The following PDE12 variants were observed in gnomAD, a reference collection of about 807,000 sequenced individuals.
PDE12 encodes the protein phosphodiesterase 12.
Under a neutral mutation model 45.4 loss-of-function variants are expected in PDE12, and 26 were observed. The ratio of observed to expected loss-of-function variants is 0.57; its 90% confidence interval spans 0.42 to 0.79. The LOEUF (loss-of-function observed/expected upper bound fraction) is 0.79. PDE12 is among the 30% of genes least tolerant of loss of function. PDE12 has a pLI of 0.00. For synonymous variants in PDE12, 283 were observed against 323.9 expected, an observed-to-expected ratio of 0.87 and a Z score of 1.36; for missense variants, 668 against 790.0, an observed-to-expected ratio of 0.85 and a Z score of 1.85.
chr3:57,597,978 C>T, the PDE12 span: 3 of 152,296 alleles, frequency 2.0e-5, no homozygotes, highest in South Asian at 6.2e-4. Flanking sequence ...CCAAGTGATT[C>T]TGAAGATCTC....
chr3:57,614,992 CAA>C, the PDE12 span, among the ~76,000 whole-genome samples: 6 of 131,430 alleles, frequency 4.6e-5, no homozygotes, highest in East Asian at 4.4e-4. Flanking sequence ...GACTGTGTCT[CAA>C]AAAAAAAAAA....
the PDE12 span, among the ~76,000 whole-genome samples, chr3:57,646,076 G>A: frequency 2.0e-5 from 3 of 152,166 alleles, no homozygotes; most frequent in African/African-American, 4.8e-5. Context: ...ATGAATCAAT[G>A]TGCCTGCCAC....
chr3:57,640,672 T>C, the PDE12 span, among the ~76,000 whole-genome samples: 1 of 152,224 alleles, frequency 6.6e-6, no homozygotes. Flanking sequence ...TCCATTGTCA[T>C]GTCGGAGAGA....
chr3:57,651,725 C>G, the PDE12 span, among the ~76,000 whole-genome samples: 1 of 151,370 alleles, frequency 6.6e-6, no homozygotes, highest in African/African-American at 2.4e-5. Flanking sequence ...TATCTCACAC[C>G]AGAAAGCAAG....
chr3:57,604,207 C>T, the PDE12 span, among the ~76,000 whole-genome samples: 1 of 152,120 alleles, frequency 6.6e-6, no homozygotes, highest in African/African-American at 2.4e-5. Context: ...AGGCATGAGC[C>T]ACCACACCCA....
chr3:57,572,802 A>C, the PDE12 span, among the ~76,000 whole-genome samples: 3 of 152,188 alleles, frequency 2.0e-5, no homozygotes, highest in East Asian at 5.8e-4. Context: ...ATCTGAAAAA[A>C]GAAATCATGG....
At chr3:57,592,656 T>C in the PDE12 span, among the ~76,000 whole-genome samples, 4 of 152,156 alleles carry the variant, frequency 2.6e-5, no homozygotes, top group Admixed American at 2.6e-4. Context: ...CGACAGCCTA[T>C]TGCACTACTA....
rs186058083 is a variant in PDE12 at position 57,557,219 on chromosome 3, C to T, written c.840C>T (p.Asp280=). The change falls in exon 1 of 3, where the codon GAC becomes GAT. Residue 280 remains aspartate, a synonymous_variant. Coordinates refer to ENST00000311180, the MANE Select transcript of PDE12 (RefSeq NM_177966.7). ...VEAGPGTCTF[D]HRHLYTKKVT... ...CTGGGCCTGGCACCTGCACTTTTGA[C>T]CACCGGCATCTCTACACGAAGAAGG... 1.7e-5 allele frequency: 27 copies of T among 1,610,028 alleles called. No homozygotes were observed. Among genetic ancestry groups the T allele is most frequent in the African/African-American group, 1.1e-4 (8 of 73,604 alleles).
the PDE12 span, chr3:57,645,682 T>C: frequency 6.2e-7 from 1 of 1,612,892 alleles, no homozygotes; most frequent in Non-Finnish European, 8.5e-7. Flanking sequence ...ACGGGTAGTA[T>C]ATTCTTTGAA....
At chr3:57,614,909 C>T in the PDE12 span, among the ~76,000 whole-genome samples, 18 of 151,358 alleles carry the variant, frequency 1.2e-4, no homozygotes, top group South Asian at 2.1e-3. Flanking sequence ...AGGAGAATCG[C>T]TTGAATCCGG....
At chr3:57,575,558 C>T in the PDE12 span, 9 of 1,612,332 alleles carry the variant, frequency 5.6e-6, no homozygotes, top group Admixed American at 5.0e-5. Flanking sequence ...TGTTCTGTTA[C>T]GAAGAGACTG....
At chr3:57,596,838 C>T in the PDE12 span, 3 of 520,300 alleles carry the variant, frequency 5.8e-6, no homozygotes, top group Non-Finnish European at 1.0e-5. Flanking sequence ...AAAGCCGAGT[C>T]CAGAAAGAAA....
At chr3:57,586,203 G>C in the PDE12 span, among the ~76,000 whole-genome samples, 1 of 152,092 alleles carries the variant, frequency 6.6e-6, no homozygotes, top group Non-Finnish European at 1.5e-5. Context: ...ATTGTTCTTA[G>C]GATATCATAT....
the PDE12 span, among the ~76,000 whole-genome samples, chr3:57,573,582 T>C: frequency 2.6e-5 from 4 of 152,194 alleles, no homozygotes; most frequent in African/African-American, 2.4e-5. Flanking sequence ...ATTTATTGAT[T>C]GATCGACTGA....
At chr3:57,613,545 G>C in the PDE12 span, among the ~76,000 whole-genome samples, 8 of 151,470 alleles carry the variant, frequency 5.3e-5, no homozygotes, top group African/African-American at 1.9e-4. Flanking sequence ...GTCCACCTCA[G>C]CCTCCCAAAG....
At chr3:57,654,726 T>C in the PDE12 span, 5 of 985,040 alleles carry the variant, frequency 5.1e-6, no homozygotes, top group Non-Finnish European at 6.0e-6. Flanking sequence ...GGAATAGACC[T>C]TGACCTAGTG....
At chr3:57,607,060 C>A in the PDE12 span, among the ~76,000 whole-genome samples, 30 of 152,180 alleles carry the variant, frequency 2.0e-4, no homozygotes, top group African/African-American at 7.0e-4. Flanking sequence ...TCCAGAGGAA[C>A]AATCAGGCAG....
In PDE12 at chr3:57,561,519, G is replaced by A; in HGVS notation, c.*1515G>A. 1 of 984,750 alleles carries A rather than the reference G, an allele frequency of 1.0e-6. No individual in the cohort carries two copies. Among genetic ancestry groups the A allele is most frequent in the Non-Finnish European group, 1.2e-6 (1 of 829,326 alleles). The allele number at this position is 984,750 out of a possible 1,614,324, so 61.0% of individuals were successfully genotyped here. On this transcript the variant is annotated 3_prime_UTR_variant, in exon 3 of 3. Transcript: ENST00000311180. ...TATACTGATTAGTGTCTAGCCTAGAGTGGTAACCATGCTTTACTAATTCAG... is the reference window on the plus strand; with the variant it reads ...TATACTGATTAGTGTCTAGCCTAGAATGGTAACCATGCTTTACTAATTCAG...
At chr3:57,652,284 G>A in the PDE12 span, among the ~76,000 whole-genome samples, 1 of 152,186 alleles carries the variant, frequency 6.6e-6, no homozygotes. Flanking sequence ...GCCATGTTGT[G>A]AGAACATTAG....
Sources: gnomAD v4.1 joint callset for allele counts (sites outside exome capture counted in the v4.1 genomes callset) on GRCh38, gnomAD v4.1.1 for gene constraint, MANE v1.5 for transcripts, NCBI Gene and HGNC (gene_info 2026-07-23, HGNC 2026-07-21) for gene names.